Variants in GRIK2 observed in about 807,000 individuals in gnomAD.
GRIK2 encodes glutamate receptor ionotropic, kainate 2.
Under a neutral mutation model 100.3 loss-of-function variants are expected in GRIK2, and 32 were observed. That is an observed-to-expected ratio of 0.32 (90% CI 0.24 to 0.43). GRIK2 has a LOEUF of 0.43. Ranked by LOEUF, GRIK2 falls within the 20% of genes least tolerant of loss-of-function variation. The pLI is 1.00. For missense variants in GRIK2, 843 were observed against 1,114.9 expected, an observed-to-expected ratio of 0.76 and a Z score of 3.47; for synonymous variants, 417 against 389.4, an observed-to-expected ratio of 1.07 and a Z score of -0.83.
At chr6:101,712,062 G>T (rs1773755214) in intron 7 of GRIK2, among the ~76,000 whole-genome samples, 1 of 151,686 alleles carries the variant, frequency 6.6e-6, no homozygotes, top group East Asian at 1.9e-4. Flanking sequence ...TACCCCAAAT[G>T]ATTGAGTAAA....
chr6:101,608,776 C>T (rs1779543883), intron 2 of GRIK2, among the ~76,000 whole-genome samples: 1 of 149,340 alleles, frequency 6.7e-6, no homozygotes, highest in African/African-American at 2.5e-5. Context: ...GGAAATCTCT[C>T]ATAGAGGGGT....
At chr6:101,428,451 C>T (rs1165745133) in intron 2 of GRIK2, among the ~76,000 whole-genome samples, 2 of 152,070 alleles carry the variant, frequency 1.3e-5, no homozygotes, top group Non-Finnish European at 2.9e-5. Flanking sequence ...AGGCTTTGGT[C>T]ATTTAACATT....
intron 7 of GRIK2, among the ~76,000 whole-genome samples, chr6:101,755,962 G>A (rs572485715): frequency 3.9e-5 from 6 of 152,240 alleles, no homozygotes; most frequent in African/African-American, 1.4e-4. Context: ...GGGGGAAAAT[G>A]TTTATAAGGA....
intron 4 of GRIK2, among the ~76,000 whole-genome samples, chr6:101,627,522 A>C (rs1296295219): frequency 6.6e-6 from 1 of 152,206 alleles, no homozygotes; most frequent in Non-Finnish European, 1.5e-5. Flanking sequence ...GTGATGAGTC[A>C]GTGAAACTTG....
intron 2 of GRIK2, among the ~76,000 whole-genome samples, chr6:101,452,241 G>C (rs1011994104): frequency 7.3e-5 from 11 of 151,660 alleles, no homozygotes; most frequent in African/African-American, 1.9e-4. Context: ...AGCATAGTAT[G>C]GTTCCTTGAT....
chr6:101,860,208 T>C (rs1784657891), intron 11 of GRIK2, among the ~76,000 whole-genome samples: 1 of 152,044 alleles, frequency 6.6e-6, no homozygotes, highest in African/African-American at 2.4e-5. Flanking sequence ...AAAGTATAAT[T>C]TATAAATTTA....
At chr6:101,476,587 A>G (rs1772244687) in intron 2 of GRIK2, among the ~76,000 whole-genome samples, 1 of 152,044 alleles carries the variant, frequency 6.6e-6, no homozygotes, top group South Asian at 2.1e-4. Context: ...ACTGTATAGG[A>G]TTGTTGGGAA....
At chr6:101,518,535 A>G (rs1262945098) in intron 2 of GRIK2, among the ~76,000 whole-genome samples, 1 of 151,992 alleles carries the variant, frequency 6.6e-6, no homozygotes, top group East Asian at 1.9e-4. Context: ...ACAGATAGTA[A>G]TATTAGCTGA....
At chr6:101,807,991 T>C (rs565307257) in intron 9 of GRIK2, among the ~76,000 whole-genome samples, 11 of 152,020 alleles carry the variant, frequency 7.2e-5, no homozygotes, top group South Asian at 2.1e-4. Flanking sequence ...AACAATAAAA[T>C]TGTTTTTTTG....
At chr6:102,032,632 C>T (rs1394489210) in intron 14 of GRIK2, among the ~76,000 whole-genome samples, 1 of 151,342 alleles carries the variant, frequency 6.6e-6, no homozygotes, top group Non-Finnish European at 1.5e-5. Flanking sequence ...GGTAGCATCT[C>T]TTGAGTGCTT....
At chr6:101,547,683 T>C (rs890713972) in intron 2 of GRIK2, among the ~76,000 whole-genome samples, 2 of 152,130 alleles carry the variant, frequency 1.3e-5, no homozygotes, top group African/African-American at 4.8e-5. Context: ...TATTCCATGG[T>C]GTATATGTGC....
chr6:101,519,300 C>CGTGTGTGTGTGTGTGT (rs55646921), intron 2 of GRIK2, among the ~76,000 whole-genome samples: 5 of 140,986 alleles, frequency 3.5e-5, no homozygotes, highest in African/African-American at 7.8e-5. Flanking sequence ...CGGAGTTAAA[C>CGTGTGTGTGTGTGTGT]GTGTGTGTGT....
intron 2 of GRIK2, among the ~76,000 whole-genome samples, chr6:101,442,794 T>G (rs145059367): frequency 6.6e-6 from 1 of 152,258 alleles, no homozygotes; most frequent in East Asian, 1.9e-4. Context: ...ATGTAACTAT[T>G]CACAAAAGTA....
In GRIK2 at chr6:101,859,536, A is replaced by G. The variant is rs768511183; in HGVS notation, c.1524+43A>G. 3 of 1,094,990 alleles carry G rather than the reference A, an allele frequency of 2.7e-6. No individual in the cohort carries two copies. The South Asian group carries it at 3.7e-5, about 14-fold the overall frequency. The allele number at this position is 1,094,990 out of a possible 1,614,324, so 67.8% of individuals were successfully genotyped here. On this transcript the variant is annotated intron_variant, in intron 11 of 16. Coordinates refer to ENST00000369134, the MANE Select transcript of GRIK2 (RefSeq NM_021956.5). ...TGATTTATTAGTTTGTTATGTTGCT[A>G]CAAGGTTTACTCTTTTGTTGATGTA...
chr6:101,630,558 G>T (rs1055025726), intron 4 of GRIK2, among the ~76,000 whole-genome samples: 3 of 151,878 alleles, frequency 2.0e-5, no homozygotes, highest in African/African-American at 7.3e-5. Context: ...TTTTAATGGG[G>T]TTATTTGTTT....
chr6:101,595,094 A>G (rs1034190040), intron 2 of GRIK2, among the ~76,000 whole-genome samples: 1 of 151,722 alleles, frequency 6.6e-6, no homozygotes, highest in Non-Finnish European at 1.5e-5. Context: ...AATAACTTTT[A>G]AAATTCTAAA....
intron 2 of GRIK2, among the ~76,000 whole-genome samples, chr6:101,563,771 A>G (rs948213658): frequency 1.3e-5 from 2 of 151,934 alleles, no homozygotes; most frequent in Non-Finnish European, 2.9e-5. Flanking sequence ...TTTCATCTAC[A>G]TTATCTAAAC....
At chr6:101,784,780 C>T (rs957500556) in intron 7 of GRIK2, among the ~76,000 whole-genome samples, 2 of 152,104 alleles carry the variant, frequency 1.3e-5, no homozygotes, top group African/African-American at 4.8e-5. Context: ...TTCCCCTTTG[C>T]CTTCTGCCAT....
intron 2 of GRIK2, among the ~76,000 whole-genome samples, chr6:101,449,913 G>T (rs541910387): frequency 6.6e-6 from 1 of 151,780 alleles, no homozygotes; most frequent in Admixed American, 6.6e-5. Context: ...AAAGCATTGG[G>T]AAAAAGCTGG....
Sources: allele counts gnomAD v4.1 joint callset (sites outside exome capture counted in the v4.1 genomes callset), GRCh38; gene constraint gnomAD v4.1.1; transcripts MANE v1.5; gene names NCBI Gene and HGNC (gene_info 2026-07-23, HGNC 2026-07-21).